GREM2: variants seen among roughly 807,000 people sequenced by gnomAD.
The protein encoded by GREM2 is gremlin-2.
GREM2 carries 11 observed loss-of-function variants against 14.2 expected under a neutral mutation model. That is an observed-to-expected ratio of 0.78 (90% CI 0.49 to 1.28). The LOEUF is 1.28. GREM2 is among the 50% of genes most tolerant of loss of function. GREM2 has a pLI of 0.00. For missense variants in GREM2, 210 were observed against 218.5 expected (o/e 0.96, Z 0.24); for synonymous variants, 98 against 97.6 (o/e 1.00, Z -0.02).
chr1:240,522,201 GAGAA>G (rs1678117719), intron 1 of GREM2, among the ~76,000 whole-genome samples: 1 of 149,620 alleles, frequency 6.7e-6, no homozygotes, highest in African/African-American at 2.5e-5. Flanking sequence ...CTGAAACAAA[GAGAA>G]AGAGACGAAA....
chr1:240,540,719 C>A lies in GREM2; in HGVS notation c.-1-47243G>T, dbSNP rs181386186. Among the ~76,000 whole-genome samples, 1 of 152,094 alleles carries A rather than the reference C, an allele frequency of 6.6e-6. No individual in the cohort carries two copies. Among genetic ancestry groups the A allele is most frequent in the East Asian group, 1.9e-4 (1 of 5,154 alleles). ...CTGGGACTACAGGCATGCATCACCACGCCCAGCTAATTTTTGTATTTTTAG... is the reference window on the plus strand; with the variant it reads ...CTGGGACTACAGGCATGCATCACCAAGCCCAGCTAATTTTTGTATTTTTAG... On this transcript the variant is annotated intron_variant, in intron 1 of 1. Transcript: ENST00000318160. This position sits in a 1 kb window ranked among gnomAD's most constrained non-coding sequence, Gnocchi z 4.2.
intron 1 of GREM2, among the ~76,000 whole-genome samples, chr1:240,548,280 A>C (rs1455560320): frequency 6.6e-6 from 1 of 151,830 alleles, no homozygotes; most frequent in Non-Finnish European, 1.5e-5. Flanking sequence ...GTCTCAGAAA[A>C]ATAATATAAT....
chr1:240,610,769 G>A (rs191339566), intron 1 of GREM2, among the ~76,000 whole-genome samples: 1 of 152,204 alleles, frequency 6.6e-6, no homozygotes, highest in South Asian at 2.1e-4. Context: ...ACCTGCTGCA[G>A]AGCCATTCTC....
chr1:240,594,502 T>C lies in GREM2; in HGVS notation c.-2+17382A>G, dbSNP rs76295673. ...AAAACTGGACTGAGAAACTCAACCA[T>C]TTGGAGTAGTGGGATAACCTTACAT... On this transcript the variant is annotated intron_variant, in intron 1 of 1. Coordinates refer to ENST00000318160, the MANE Select transcript of GREM2 (RefSeq NM_022469.4). Among the ~76,000 whole-genome samples the C allele has an allele frequency of 6.2e-3, 944 of 152,192 alleles. 14 individuals carry two copies. The highest frequency in any genetic ancestry group is 0.022 in the African/African-American group (895 of 41,522).
At chr1:240,574,304 A>T (rs1233241465) in intron 1 of GREM2, among the ~76,000 whole-genome samples, 1 of 152,198 alleles carries the variant, frequency 6.6e-6, no homozygotes, top group East Asian at 1.9e-4. Context: ...AAAGAAAAAC[A>T]TCAATAATGC....
chr1:240,495,932 T>C (rs1202367600), intron 1 of GREM2, among the ~76,000 whole-genome samples: 1 of 149,718 alleles, frequency 6.7e-6, no homozygotes, highest in African/African-American at 2.5e-5. Context: ...AAAGGTTTTT[T>C]TTGTTTTTGT....
At chr1:240,563,466 T>C (rs1373319592) in intron 1 of GREM2, among the ~76,000 whole-genome samples, 4 of 152,194 alleles carry the variant, frequency 2.6e-5, no homozygotes, top group Non-Finnish European at 5.9e-5. Context: ...CATAGCAAAT[T>C]GATTTAGACA....
At chr1:240,517,205 T>G (rs1414452181) in intron 1 of GREM2, among the ~76,000 whole-genome samples, 2 of 152,206 alleles carry the variant, frequency 1.3e-5, no homozygotes, top group Non-Finnish European at 2.9e-5. Context: ...AACTTATGAT[T>G]TTAAAAGTTC....
chr1:240,585,414 G>GT (rs1679575378), intron 1 of GREM2, among the ~76,000 whole-genome samples: 1 of 152,012 alleles, frequency 6.6e-6, no homozygotes, highest in Non-Finnish European at 1.5e-5. Context: ...ACTTAACACA[G>GT]ACTGCAGTCT....
chr1:240,498,101 GAGCTGACAGAGCTAAATCAGATCAA>G (rs1572363653), intron 1 of GREM2, among the ~76,000 whole-genome samples: 1 of 152,210 alleles, frequency 6.6e-6, no homozygotes, highest in Non-Finnish European at 1.5e-5. Flanking sequence ...AGCTAAGACA[GAGCTGACAGAGCTAAATCAGATCAA>G]TTTGAGGCAA....
chr1:240,531,090 C>A (rs1372957047), intron 1 of GREM2, among the ~76,000 whole-genome samples: 1 of 152,140 alleles, frequency 6.6e-6, no homozygotes, highest in African/African-American at 2.4e-5. Flanking sequence ...GATAATTGAA[C>A]TTATTGCCAA....
chr1:240,493,601 C>T (rs1173512523), intron 1 of GREM2, 125 bp from the exon 2 acceptor site: 8 of 1,149,840 alleles, frequency 7.0e-6, no homozygotes, highest in African/African-American at 3.1e-5. Context: ...TGCAGGGGCA[C>T]GTAGCTTGCT....
intron 1 of GREM2, among the ~76,000 whole-genome samples, chr1:240,526,422 T>C (rs367965200): frequency 2.0e-5 from 3 of 152,188 alleles, no homozygotes; most frequent in South Asian, 4.1e-4. Context: ...TCAAAGCAGC[T>C]CAGTCTTCAC....
chr1:240,592,889 G>T (rs1449352991), intron 1 of GREM2, among the ~76,000 whole-genome samples: 1 of 151,810 alleles, frequency 6.6e-6, no homozygotes, highest in Admixed American at 6.6e-5. Context: ...ATCCCAGCAG[G>T]TTGGGAAGCC....
At chr1:240,499,840 T>C (rs1163996251) in intron 1 of GREM2, among the ~76,000 whole-genome samples, 1 of 152,132 alleles carries the variant, frequency 6.6e-6, no homozygotes, top group African/African-American at 2.4e-5. Flanking sequence ...GCTGCTGCTT[T>C]GGTGCTATAA....
intron 1 of GREM2, among the ~76,000 whole-genome samples, chr1:240,602,191 G>A (rs1679937472): frequency 6.6e-6 from 1 of 152,076 alleles, no homozygotes; most frequent in Non-Finnish European, 1.5e-5. Context: ...GCTATTTTCT[G>A]TCAACACTTC....
chr1:240,490,500 T>C lies in GREM2; in HGVS notation c.*2469A>G, dbSNP rs1315562612. 2.0e-5 allele frequency: 3 copies of C among 152,662 alleles called. No homozygotes were observed. Among genetic ancestry groups the C allele is most frequent in the Non-Finnish European group, 4.4e-5 (3 of 68,042 alleles). The allele number at this position is 152,662 out of a possible 1,614,324, so 9.5% of individuals were successfully genotyped here. ...CACGTCACACCGGGATCACATATAA[T>C]CCTAGATTATCTTTATTTGTTCTAT... On this transcript the variant is annotated 3_prime_UTR_variant, in exon 2 of 2. Transcript: ENST00000318160.
intron 1 of GREM2, among the ~76,000 whole-genome samples, chr1:240,578,814 T>TAA (rs754514026): frequency 3.7e-5 from 5 of 136,024 alleles, no homozygotes; most frequent in Non-Finnish European, 6.2e-5. Context: ...TAAAATAAAA[T>TAA]AAAAATAGAA....
intron 1 of GREM2, among the ~76,000 whole-genome samples, chr1:240,588,123 G>T (rs1679635871): frequency 6.6e-6 from 1 of 152,184 alleles, no homozygotes; most frequent in Non-Finnish European, 1.5e-5. Flanking sequence ...CTTGGTTTTT[G>T]TTACCTCCCA....
Sources: allele counts gnomAD v4.1 joint callset (sites outside exome capture counted in the v4.1 genomes callset), GRCh38; gene constraint gnomAD v4.1.1; non-coding constraint Gnocchi (gnomAD v3.1); transcripts MANE v1.5; gene names NCBI Gene and HGNC (gene_info 2026-07-23, HGNC 2026-07-21).